The following PDCD11 variants were observed in gnomAD, a reference collection of about 807,000 sequenced individuals.
PDCD11 encodes programmed cell death 11, also known as protein RRP5 homolog.
Under a neutral mutation model 198.9 loss-of-function variants are expected in PDCD11, and 97 were observed. The ratio of observed to expected loss-of-function variants is 0.49; its 90% CI spans 0.41 to 0.58. The LOEUF is 0.58. Among genes scored for constraint, PDCD11 ranks in the 20% least tolerant of loss-of-function variants. The probability of loss-of-function intolerance (pLI) is 0.00; values close to 1 mark genes in which losing one functional copy is unlikely to be tolerated. For missense variants in PDCD11, 2,102 were observed against 2,312.7 expected, an observed-to-expected ratio of 0.91 and a Z score of 1.87; for synonymous variants, 893 against 918.0, an observed-to-expected ratio of 0.97 and a Z score of 0.49.
At position 103,423,634 on chromosome 10, in the gene PDCD11, C is replaced by T; in HGVS notation, c.2739C>T (p.Asp913=). ...AAGTGCACGTTTCCCTTCACCAGGA[C>T]TTGGTGAATAGAAAAGCTAGAAAGG... ...KLEVHVSLHQ[D]LVNRKARKLR... is the part of the protein sequence containing the mutation. The change falls in exon 19 of 36, where the codon GAC becomes GAT. Residue 913 remains aspartate, a synonymous_variant. Coordinates refer to ENST00000369797, the MANE Select transcript of PDCD11 (RefSeq NM_014976.2). The T allele has an allele frequency of 6.2e-7, 1 of 1,611,674 alleles. No individual in the cohort carries two copies. The highest frequency in any genetic ancestry group is 8.5e-7 in the Non-Finnish European group (1 of 1,177,726).
intron 3 of PDCD11, among the ~76,000 whole-genome samples, chr10:103,402,218 G>C (rs1564754752): frequency 1.3e-5 from 2 of 152,132 alleles, no homozygotes. Context: ...TCCACTAGCT[G>C]GCTTCCTTCA....
chr10:103,408,261 T>C (rs1285363066), intron 7 of PDCD11, among the ~76,000 whole-genome samples: 1 of 152,108 alleles, frequency 6.6e-6, no homozygotes, highest in Admixed American at 6.5e-5. Context: ...GGCTCCTGCA[T>C]AGCCGGTATC....
At chr10:103,414,151 A>T in intron 10 of PDCD11, 61 bp downstream of exon 10, 1 of 1,586,608 alleles carries the variant, frequency 6.3e-7, no homozygotes, top group South Asian at 1.1e-5. Context: ...TTCATATTCC[A>T]TTTCTCCTGG....
intron 21 of PDCD11, among the ~76,000 whole-genome samples, chr10:103,428,875 A>G (rs2031809019): frequency 6.6e-6 from 1 of 152,138 alleles, no homozygotes; most frequent in African/African-American, 2.4e-5. Context: ...ACAGATAGAC[A>G]GATGGCCAGA....
At chr10:103,425,839 C>T (rs916555353) in intron 20 of PDCD11, among the ~76,000 whole-genome samples, 59 of 152,242 alleles carry the variant, frequency 3.9e-4, no homozygotes, top group African/African-American at 1.4e-3. Flanking sequence ...ACCACCACGC[C>T]CGGCTAACTT....
chr10:103,422,142 T>C (rs1047249793), intron 17 of PDCD11, among the ~76,000 whole-genome samples: 3 of 150,112 alleles, frequency 2.0e-5, no homozygotes, highest in Non-Finnish European at 4.4e-5. Flanking sequence ...AGTGTGGTGG[T>C]GCGATCTTGG....
rs1564768539 is a variant in PDCD11 at position 103,423,144 on chromosome 10, G to A, written c.2647+7G>A. On this transcript the variant is annotated splice_region_variant and intron_variant, in intron 18 of 35. Transcript: ENST00000369797. ...AGCAGATACCATCGCGCAGGTGAGT[G>A]CTTCTGTCTTACCCATTGTGGTTGG... 2 of 1,557,864 alleles carry A rather than the reference G, an allele frequency of 1.3e-6. No individual in the cohort carries two copies. The highest frequency in any genetic ancestry group is 1.9e-5 in the Admixed American group (1 of 51,338).
Position 103,440,276 on chromosome 10 carries a change from T to C in PDCD11, c.4149-14T>C, listed in dbSNP as rs2032323142. The stretch of plus-strand genomic sequence containing the variant: ...TTTATGATGTCTTTACCTCCCCATC[T>C]TGCTCTGTCATAGCCTTAACCACCA... On this transcript the variant is annotated splice_polypyrimidine_tract_variant and intron_variant, in intron 28 of 35. Transcript: ENST00000369797. 1.9e-6 allele frequency: 3 copies of C among 1,599,924 alleles called. No individual in the cohort carries two copies. Among genetic ancestry groups the C allele is most frequent in the Non-Finnish European group, 2.6e-6 (3 of 1,174,560 alleles).
Position 103,444,079 on chromosome 10 carries a change from A to C in PDCD11, c.5278+11A>C. 2 of 1,608,354 alleles carry C rather than the reference A, an allele frequency of 1.2e-6. No individual in the cohort carries two copies. The highest frequency in any genetic ancestry group is 1.7e-6 in the Non-Finnish European group (2 of 1,178,326). ...TGCCTAGCAAGGAGCGTGAGTGCTC[A>C]TTCCCAGCTCCTGAGCCCATGAGCA... is the stretch of plus-strand genomic sequence containing the variant. On this transcript the variant is annotated intron_variant, in intron 34 of 35. Coordinates refer to ENST00000369797, the MANE Select transcript of PDCD11 (RefSeq NM_014976.2).
In PDCD11 at chr10:103,406,744, T is replaced by C. The variant is rs953722032; in HGVS notation, c.824T>C (p.Leu275Pro). 1.9e-6 allele frequency: 3 copies of C among 1,614,064 alleles called. No homozygotes were observed. The Admixed American group carries it at 5.0e-5, about 27-fold the overall frequency. ...GCTACTGAACAGCAGAGCTGGAACC[T>C]TAATAACTTGCTACCAGGACTGGTG... is the stretch of plus-strand genomic sequence containing the variant. Reference protein sequence around the residue: ...AIATEQQSWNLNNLLPGLVVK... With the variant: ...AIATEQQSWNPNNLLPGLVVK... The change falls in exon 7 of 36, where the codon CTT (leucine) becomes CCT (proline). Residue 275 changes from leucine (L) to proline (P), a missense_variant. Leu to Pro is a moderately conservative substitution (Grantham distance 98). Coordinates refer to ENST00000369797, the MANE Select transcript of PDCD11 (RefSeq NM_014976.2).
At chr10:103,439,237 A>G (rs2032278505) in intron 27 of PDCD11, among the ~76,000 whole-genome samples, 1 of 152,108 alleles carries the variant, frequency 6.6e-6, no homozygotes, top group African/African-American at 2.4e-5. Flanking sequence ...AGCTATTTGG[A>G]AGGCTGAGGC....
intron 15 of PDCD11, 40 bp downstream of exon 15, chr10:103,418,674 G>T: frequency 1.3e-6 from 2 of 1,545,574 alleles, no homozygotes. Context: ...GGAAGGTGGG[G>T]GGCCATGGGT....
chr10:103,445,710 A>AT lies in PDCD11; in HGVS notation c.*167dup, dbSNP rs2032582276. ...CTGTCAGGATGAAAAGGAAGTTGAG[A>AT]TTTTTTAAATCCCTCTTCGCTTGCT... On this transcript the variant is annotated 3_prime_UTR_variant, in exon 36 of 36. Transcript: ENST00000369797. 4 of 597,644 alleles carry AT rather than the reference A, an allele frequency of 6.7e-6. No individual in the cohort carries two copies. Among genetic ancestry groups the AT allele is most frequent in the Non-Finnish European group, 1.2e-5 (4 of 340,056 alleles). The allele number at this position is 597,644 out of a possible 1,614,324, so 37.0% of individuals were successfully genotyped here.
intron 33 of PDCD11, 124 bp from the exon 34 acceptor site, chr10:103,443,791 A>G: frequency 8.6e-6 from 8 of 926,082 alleles, no homozygotes; most frequent in Non-Finnish European, 1.2e-5. Flanking sequence ...CTCTAGCATT[A>G]GGCCCTGAGA....
intron 25 of PDCD11, among the ~76,000 whole-genome samples, chr10:103,435,216 GAT>G (rs1472894134): frequency 6.6e-6 from 1 of 151,650 alleles, no homozygotes; most frequent in Non-Finnish European, 1.5e-5. Context: ...AATATCATTT[GAT>G]ATACTGTTTT....
At chr10:103,424,004 G>A (rs142859362) in intron 19 of PDCD11, among the ~76,000 whole-genome samples, 5 of 152,302 alleles carry the variant, frequency 3.3e-5, no homozygotes, top group Admixed American at 6.5e-5. Flanking sequence ...GTTCAGTCCC[G>A]CCCAATTGTT....
At chr10:103,433,884 A>C in intron 22 of PDCD11, 64 bp from the exon 23 acceptor site, 1 of 1,305,726 alleles carries the variant, frequency 7.7e-7, no homozygotes, top group Non-Finnish European at 1.1e-6. Context: ...GTTTTAGGAA[A>C]GTTTTAATGG....
chr10:103,401,974 C>T (rs372844744), intron 3 of PDCD11, among the ~76,000 whole-genome samples: 1 of 152,164 alleles, frequency 6.6e-6, no homozygotes. Flanking sequence ...AATATCCTGA[C>T]CTTGTAATCT....
chr10:103,404,642 C>T (rs1162664452), intron 4 of PDCD11, among the ~76,000 whole-genome samples: 3 of 152,232 alleles, frequency 2.0e-5, no homozygotes, highest in African/African-American at 7.2e-5. Context: ...GACTGCAAAA[C>T]TGACCACTGG....
Sources: allele counts gnomAD v4.1 joint callset (sites outside exome capture counted in the v4.1 genomes callset), GRCh38; gene constraint gnomAD v4.1.1; transcripts MANE v1.5; gene names NCBI Gene and HGNC (gene_info 2026-07-23, HGNC 2026-07-21).